Variants in LUZP2 observed in about 807,000 individuals in gnomAD.
LUZP2 encodes leucine zipper protein 2.
In LUZP2, 52 loss-of-function variants were observed where a neutral mutation model predicts 51.6. That is an observed-to-expected ratio of 1.01 (90% confidence interval 0.81 to 1.27). The LOEUF is 1.27. Among genes scored for constraint, LUZP2 ranks in the 50% most tolerant of loss-of-function variants. The probability of loss-of-function intolerance (pLI) is 0.00; values close to 1 mark genes in which losing one functional copy is unlikely to be tolerated. For synonymous variants in LUZP2, 154 were observed against 137.3 expected (o/e 1.12, Z -0.85); for missense variants, 436 against 395.4 (o/e 1.10, Z -0.87).
intron 5 of LUZP2, among the ~76,000 whole-genome samples, chr11:24,844,748 T>G (rs1031877856): frequency 6.6e-6 from 1 of 152,134 alleles, no homozygotes; most frequent in Non-Finnish European, 1.5e-5. Context: ...ACTCCAGTCA[T>G]GGCTGAAAGA....
chr11:24,785,275 A>G (rs1282951596), intron 5 of LUZP2, among the ~76,000 whole-genome samples: 3 of 152,050 alleles, frequency 2.0e-5, no homozygotes, highest in Non-Finnish European at 4.4e-5. Flanking sequence ...CTAAGGAATT[A>G]CTACACTCTA....
chr11:24,896,209 C>G (rs116866077), intron 5 of LUZP2, among the ~76,000 whole-genome samples: 1 of 152,230 alleles, frequency 6.6e-6, no homozygotes, highest in Non-Finnish European at 1.5e-5. Flanking sequence ...CCCTTCAGTC[C>G]GCCACTGCAC....
chr11:24,522,397 A>C (rs1850669737), intron 1 of LUZP2, among the ~76,000 whole-genome samples: 1 of 151,338 alleles, frequency 6.6e-6, no homozygotes, highest in Non-Finnish European at 1.5e-5. Context: ...AATCTGTTTC[A>C]TTCATCTAAT....
intron 8 of LUZP2, among the ~76,000 whole-genome samples, chr11:24,977,811 T>G (rs1322334589): frequency 3.3e-5 from 5 of 151,502 alleles, no homozygotes; most frequent in Non-Finnish European, 7.4e-5. Flanking sequence ...TTATCAAAAT[T>G]TTGCTTTTAA....
At chr11:24,976,983 A>G (rs4923226) in intron 8 of LUZP2, among the ~76,000 whole-genome samples, 78,615 of 151,342 alleles carry the variant, frequency 0.52, 20,823 homozygotes, top group Middle Eastern at 0.57. Flanking sequence ...AAGGCACTAT[A>G]TATTAACTCT....
intron 1 of LUZP2, among the ~76,000 whole-genome samples, chr11:24,616,649 T>A (rs954480272): frequency 6.6e-6 from 1 of 152,174 alleles, no homozygotes; most frequent in African/African-American, 2.4e-5. Context: ...GTCAGTGGTG[T>A]TGCACAGATC....
At chr11:24,951,651 T>C (rs1855083940) in intron 7 of LUZP2, among the ~76,000 whole-genome samples, 1 of 151,540 alleles carries the variant, frequency 6.6e-6, no homozygotes, top group African/African-American at 2.4e-5. Context: ...TAAACATATA[T>C]ATATAAAGAT....
intron 1 of LUZP2, among the ~76,000 whole-genome samples, chr11:24,598,242 T>C (rs1369058362): frequency 6.6e-6 from 1 of 152,168 alleles, no homozygotes; most frequent in African/African-American, 2.4e-5. Context: ...TGAGAGTTAT[T>C]TCCCCCAAGA....
At chr11:24,905,866 C>A in intron 5 of LUZP2, 125 bp from the exon 6 acceptor site, 1 of 577,094 alleles carries the variant, frequency 1.7e-6, no homozygotes. Flanking sequence ...TACACCAATC[C>A]ATTACATTTT....
intron 8 of LUZP2, among the ~76,000 whole-genome samples, chr11:24,981,108 A>T (rs1856014377): frequency 6.6e-6 from 1 of 151,826 alleles, no homozygotes; most frequent in Non-Finnish European, 1.5e-5. Context: ...AATGACACCT[A>T]ACAGTATAAA....
intron 10 of LUZP2, among the ~76,000 whole-genome samples, chr11:25,062,312 T>C (rs1206523132): frequency 1.3e-5 from 2 of 151,218 alleles, no homozygotes; most frequent in Non-Finnish European, 3.0e-5. Flanking sequence ...GGGCCAAGCA[T>C]GGTGGCTTGT....
chr11:24,651,203 A>C (rs548899942), intron 1 of LUZP2, among the ~76,000 whole-genome samples: 1 of 152,274 alleles, frequency 6.6e-6, no homozygotes, highest in South Asian at 2.1e-4. Context: ...ACCATAAACT[A>C]TACTCTTGAA....
chr11:24,692,224 T>G (rs968354592), intron 1 of LUZP2, among the ~76,000 whole-genome samples: 20 of 152,028 alleles, frequency 1.3e-4, no homozygotes, highest in South Asian at 2.1e-4. Context: ...GAAGAAGTAA[T>G]TGTTGTTACA....
chr11:24,861,116 G>C (rs1851727550), intron 5 of LUZP2, among the ~76,000 whole-genome samples: 1 of 152,136 alleles, frequency 6.6e-6, no homozygotes, highest in Non-Finnish European at 1.5e-5. Flanking sequence ...TAAACGACCT[G>C]ATGAATCTGA....
At chr11:24,564,220 T>C (rs901879053) in intron 1 of LUZP2, among the ~76,000 whole-genome samples, 2 of 152,148 alleles carry the variant, frequency 1.3e-5, no homozygotes, top group Non-Finnish European at 2.9e-5. Context: ...TTGCATGCCC[T>C]GTAAAGGCTT....
chr11:25,067,139 G>A (rs932191133), intron 10 of LUZP2, among the ~76,000 whole-genome samples: 3 of 151,990 alleles, frequency 2.0e-5, no homozygotes, highest in Non-Finnish European at 2.9e-5. Flanking sequence ...TACATGTAGT[G>A]TAGGTTTTAG....
At chr11:24,608,020 T>G (rs1236969661) in intron 1 of LUZP2, among the ~76,000 whole-genome samples, 2 of 151,974 alleles carry the variant, frequency 1.3e-5, no homozygotes, top group Admixed American at 1.3e-4. Flanking sequence ...AGCTAATTTT[T>G]TTGTATTTTT....
At chr11:24,765,922 G>A (rs753407108) in intron 5 of LUZP2, among the ~76,000 whole-genome samples, 1 of 151,780 alleles carries the variant, frequency 6.6e-6, no homozygotes, top group African/African-American at 2.4e-5. Context: ...TACCGCACCC[G>A]GCCAATTTTT....
chr11:24,694,240 T>A (rs1333742306), intron 1 of LUZP2, among the ~76,000 whole-genome samples: 2 of 151,998 alleles, frequency 1.3e-5, no homozygotes, highest in Non-Finnish European at 1.5e-5. Flanking sequence ...ATTCTTCCAA[T>A]ACATTATGTG....
Sources: gnomAD v4.1 joint callset for allele counts (sites outside exome capture counted in the v4.1 genomes callset) on GRCh38, gnomAD v4.1.1 for gene constraint, MANE v1.5 for transcripts, NCBI Gene and HGNC (gene_info 2026-07-23, HGNC 2026-07-21) for gene names.